Variants in FRMPD1 observed in about 807,000 individuals in gnomAD.
FRMPD1 encodes FERM and PDZ domain containing 1, also known as FERM and PDZ domain-containing protein 1.
A neutral mutation model predicts 117.8 loss-of-function variants in FRMPD1; 76 were observed. The observed-to-expected ratio is 0.65, with a 90% CI of 0.54 to 0.78. The LOEUF (loss-of-function observed/expected upper bound fraction) is 0.78, where lower values mean the gene tolerates loss of function less well. FRMPD1 is among the 30% of genes least tolerant of loss of function. The pLI is 0.00. For missense variants in FRMPD1, 1,786 were observed against 1,964.5 expected (o/e 0.91, Z 1.72); for synonymous variants, 783 against 770.4 (o/e 1.02, Z -0.27).
chr9:37,615,153 C>G, the FRMPD1 span, among the ~76,000 whole-genome samples: 1 of 152,064 alleles, frequency 6.6e-6, no homozygotes, highest in South Asian at 2.1e-4. Context: ...CACTCTGTCA[C>G]CCAGGTTGGA....
At chr9:37,627,420 T>A in the FRMPD1 span, among the ~76,000 whole-genome samples, 2 of 152,252 alleles carry the variant, frequency 1.3e-5, no homozygotes, top group African/African-American at 4.8e-5. Context: ...TCTTAAGAGT[T>A]AGAGTCCTCT....
the FRMPD1 span, among the ~76,000 whole-genome samples, chr9:37,612,956 G>A: frequency 6.6e-6 from 1 of 152,192 alleles, no homozygotes; most frequent in African/African-American, 2.4e-5. Context: ...GACCAGTAGG[G>A]AGGTAGATGT....
the FRMPD1 span, among the ~76,000 whole-genome samples, chr9:37,609,054 G>T: frequency 6.6e-6 from 1 of 152,174 alleles, no homozygotes; most frequent in Non-Finnish European, 1.5e-5. Flanking sequence ...ACTTTGGGAG[G>T]CTGAGGCGGG....
chr9:37,708,199 G>T (rs1322935776), intron 3 of FRMPD1, among the ~76,000 whole-genome samples, 200 bp from the exon 4 acceptor site: 1 of 152,150 alleles, frequency 6.6e-6, no homozygotes, highest in Non-Finnish European at 1.5e-5. Flanking sequence ...CTGGAAGTTG[G>T]TGATAGATGA....
chr9:37,636,618 GC>G, the FRMPD1 span: 1 of 1,148,982 alleles, frequency 8.7e-7, no homozygotes, highest in Non-Finnish European at 1.2e-6. Context: ...GAAGAGGGAG[GC>G]ACCTCCTGTC....
intron 13 of FRMPD1, 104 bp from the exon 14 acceptor site, chr9:37,736,992 C>A: frequency 1.2e-6 from 1 of 860,022 alleles, no homozygotes; most frequent in Non-Finnish European, 1.9e-6. Flanking sequence ...GGACCATGGC[C>A]GGATTTACCT....
chr9:37,615,790 G>A, the FRMPD1 span, among the ~76,000 whole-genome samples: 1 of 151,616 alleles, frequency 6.6e-6, no homozygotes, highest in South Asian at 2.1e-4. Context: ...GTGTTTCTTT[G>A]TAATCAAAAC....
the FRMPD1 span, among the ~76,000 whole-genome samples, chr9:37,609,010 G>C: frequency 6.6e-5 from 10 of 152,304 alleles, no homozygotes; most frequent in African/African-American, 1.9e-4. Context: ...GGCATCTCAG[G>C]CCGGGCATGG....
At chr9:37,637,967 T>G in the FRMPD1 span, among the ~76,000 whole-genome samples, 8,779 of 55,480 alleles carry the variant, frequency 0.16, 1,583 homozygotes, top group East Asian at 0.27. Flanking sequence ...GTGTATGCTT[T>G]CTTTCTTTCT....
chr9:37,666,648 C>A (rs1821169321), intron 1 of FRMPD1, among the ~76,000 whole-genome samples: 1 of 152,196 alleles, frequency 6.6e-6, no homozygotes, highest in South Asian at 2.1e-4. Flanking sequence ...TGGATGGGAT[C>A]TCCCACCACC....
In FRMPD1 at chr9:37,745,245, C is replaced by T; in HGVS notation, c.3213C>T (p.Tyr1071=). 1 of 1,612,618 alleles carries T rather than the reference C, an allele frequency of 6.2e-7. No homozygotes were observed. Among genetic ancestry groups the T allele is most frequent in the East Asian group, 2.2e-5 (1 of 44,878 alleles). Residue 1071 remains tyrosine (Y), a synonymous_variant, in exon 16 of 16, where the codon TAC becomes TAT. Transcript: ENST00000377765. Reference sequence around the variant, plus strand: ...ATATACAAGAAACTGCCCCCAAATACACAGAGCCTTTGTTGTCTCCTAGAG... The same window carrying T: ...ATATACAAGAAACTGCCCCCAAATATACAGAGCCTTTGTTGTCTCCTAGAG... ...TNHIQETAPK[Y]TEPLLSPRDE...
At chr9:37,614,847 T>C in the FRMPD1 span, among the ~76,000 whole-genome samples, 4 of 152,240 alleles carry the variant, frequency 2.6e-5, no homozygotes, top group Non-Finnish European at 4.4e-5. Context: ...TGCCAAGGGA[T>C]GCCTAAGTCC....
the FRMPD1 span, among the ~76,000 whole-genome samples, chr9:37,613,259 C>T: frequency 2.3e-4 from 35 of 152,286 alleles, 1 homozygote; most frequent in South Asian, 7.1e-3. Flanking sequence ...TGAATATATA[C>T]TGAGCACCTA....
the FRMPD1 span, among the ~76,000 whole-genome samples, chr9:37,619,435 T>C: frequency 1.1e-4 from 16 of 152,116 alleles, no homozygotes; most frequent in African/African-American, 3.6e-4. Context: ...TGTATTAATA[T>C]AGAAATGGAG....
intron 1 of FRMPD1, among the ~76,000 whole-genome samples, chr9:37,661,070 A>G (rs1820988518): frequency 1.3e-5 from 2 of 152,074 alleles, no homozygotes; most frequent in African/African-American, 4.8e-5. Flanking sequence ...AGAGACTTGG[A>G]GGGGTGGTGC....
At chr9:37,603,650 G>GTTTTGTTTTGTTTTGTTTTA in the FRMPD1 span, among the ~76,000 whole-genome samples, 2 of 150,628 alleles carry the variant, frequency 1.3e-5, no homozygotes, top group African/African-American at 5.0e-5. Context: ...TAGGTTTTTT[G>GTTTTGTTTTGTTTTGTTTTA]TTTTGTTTTG....
At chr9:37,637,282 T>C in the FRMPD1 span, 2 of 1,566,136 alleles carry the variant, frequency 1.3e-6, no homozygotes, top group African/African-American at 2.7e-5. Flanking sequence ...GGCAGTCATA[T>C]CCGGGGTTCA....
intron 7 of FRMPD1, 60 bp from the exon 8 acceptor site, chr9:37,729,668 A>T (rs1823775095): frequency 6.3e-7 from 1 of 1,575,700 alleles, no homozygotes; most frequent in Admixed American, 1.7e-5. Flanking sequence ...GAATGGCAGG[A>T]AGGCCAGGGA....
chr9:37,717,372 T>TAC (rs1436772921), intron 5 of FRMPD1, among the ~76,000 whole-genome samples: 4 of 110,426 alleles, frequency 3.6e-5, no homozygotes, highest in South Asian at 5.4e-4. Context: ...TGTGTGTGTA[T>TAC]ATATATATAT....
Sources: gnomAD v4.1 joint callset for allele counts (sites outside exome capture counted in the v4.1 genomes callset) on GRCh38, gnomAD v4.1.1 for gene constraint, MANE v1.5 for transcripts, NCBI Gene and HGNC (gene_info 2026-07-23, HGNC 2026-07-21) for gene names.